Variants in DOCK2 observed in about 807,000 individuals in gnomAD.
DOCK2 encodes dedicator of cytokinesis 2, also known as dedicator of cytokinesis protein 2.
Under a neutral mutation model 248.9 loss-of-function variants are expected in DOCK2, and 87 were observed. The ratio of observed to expected loss-of-function variants is 0.35; its 90% CI spans 0.29 to 0.42. The LOEUF (loss-of-function observed/expected upper bound fraction) is 0.42, where lower values mean the gene tolerates loss of function less well. Among genes scored for constraint, DOCK2 ranks in the 10% least tolerant of loss-of-function variants. The pLI, the probability that DOCK2 is intolerant of heterozygous loss-of-function variation, is 1.00. For missense variants in DOCK2, 1,747 were observed against 2,300.2 expected (o/e 0.76, Z 4.92); for synonymous variants, 805 against 821.6 (o/e 0.98, Z 0.35).
At chr5:169,867,754 G>A (rs575982968) in intron 27 of DOCK2, among the ~76,000 whole-genome samples, 1 of 152,176 alleles carries the variant, frequency 6.6e-6, no homozygotes, top group Admixed American at 6.5e-5. Context: ...CTTCCAGGAG[G>A]CATCACCTGG....
In DOCK2 at chr5:170,050,278, G is replaced by T; in HGVS notation, c.4094G>T (p.Gly1365Val). Residue 1365 changes from glycine (G) to valine (V), a missense_variant, in exon 41 of 52, where the codon GGG becomes GTG. Around this residue, in one of 4 missense-constraint regions of DOCK2, gnomAD observed 858 missense variants for 1,183.5 expected, o/e 0.72. Coordinates refer to ENST00000520908, the MANE Select transcript of DOCK2 (RefSeq NM_004946.3). ...FLRNKVFIYR[G>V]KEYERREDFQ... ...CAGAACAAAGTGTTCATCTACCGCG[G>T]GAAGGAATATGAGCGAAGAGAAGAT... 1 of 1,614,140 alleles carries T rather than the reference G, an allele frequency of 6.2e-7. No individual in the cohort carries two copies. Among genetic ancestry groups the T allele is most frequent in the Non-Finnish European group, 8.5e-7 (1 of 1,179,996 alleles).
intron 43 of DOCK2, 85 bp downstream of exon 43, chr5:170,056,853 G>C (rs1376581150): frequency 8.1e-7 from 1 of 1,234,848 alleles, no homozygotes; most frequent in Non-Finnish European, 1.1e-6. Flanking sequence ...GAATGGGAAG[G>C]AACTTGATAG....
At chr5:169,900,475 G>A (rs976836324) in intron 27 of DOCK2, among the ~76,000 whole-genome samples, 2 of 152,186 alleles carry the variant, frequency 1.3e-5, no homozygotes, top group African/African-American at 4.8e-5. Flanking sequence ...GCTGGCAGGA[G>A]GCATGGCATG....
intron 27 of DOCK2, among the ~76,000 whole-genome samples, chr5:169,903,685 G>A (rs1202036525): frequency 3.3e-5 from 5 of 152,146 alleles, no homozygotes; most frequent in African/African-American, 9.6e-5. Context: ...CTAGAGGGTC[G>A]AACTTACTCG....
chr5:169,698,487 A>G, intron 11 of DOCK2, 38 bp downstream of exon 11: 1 of 1,606,908 alleles, frequency 6.2e-7, no homozygotes, highest in Non-Finnish European at 8.5e-7. Flanking sequence ...CTCTTCAACC[A>G]CACCCTTTGT....
At chr5:169,807,950 A>G (rs1767497360) in intron 26 of DOCK2, among the ~76,000 whole-genome samples, 1 of 151,904 alleles carries the variant, frequency 6.6e-6, no homozygotes, top group South Asian at 2.1e-4. Flanking sequence ...TCTTCATGGG[A>G]TAGAAGGGAC....
intron 27 of DOCK2, among the ~76,000 whole-genome samples, chr5:169,851,356 G>T (rs1770609527): frequency 6.6e-6 from 1 of 152,150 alleles, no homozygotes; most frequent in African/African-American, 2.4e-5. Context: ...GCATAAAAGA[G>T]CATGCTTCAT....
chr5:169,805,214 T>TGCA (rs1581215146), intron 26 of DOCK2, among the ~76,000 whole-genome samples: 2 of 88,262 alleles, frequency 2.3e-5, no homozygotes, highest in Admixed American at 1.4e-4. Context: ...CCTCTGTCTC[T>TGCA]ACAAAAAAAA....
intron 27 of DOCK2, chr5:169,841,574 C>A: frequency 3.8e-6 from 2 of 521,502 alleles, no homozygotes; most frequent in Non-Finnish European, 4.9e-6. Flanking sequence ...CCAAACATTG[C>A]CAGGCCTGAA....
intron 33 of DOCK2, among the ~76,000 whole-genome samples, chr5:170,026,563 G>C (rs1755923646): frequency 6.6e-6 from 1 of 152,100 alleles, no homozygotes; most frequent in Admixed American, 6.5e-5. Context: ...TTTTTTAATG[G>C]TAAAATGAGG....
At chr5:170,058,530 G>A (rs75190009) in intron 44 of DOCK2, among the ~76,000 whole-genome samples, 2,380 of 152,224 alleles carry the variant, frequency 0.016, 56 homozygotes, top group African/African-American at 0.055. Context: ...TTGAGGAGAG[G>A]CCTGGAGGAA....
rs567742860 is a variant in DOCK2, at chr5:169,750,249, G to A, written c.2376+2745G>A. Among the ~76,000 whole-genome samples, 3 of 152,300 alleles carry A rather than the reference G, an allele frequency of 2.0e-5. No individual in the cohort carries two copies. The East Asian group carries it at 5.8e-4, about 29-fold the overall frequency. On this transcript the variant is annotated intron_variant, in intron 23 of 51. Coordinates refer to ENST00000520908, the MANE Select transcript of DOCK2 (RefSeq NM_004946.3). ...TTCAGCACCTGTTTCCCTACGATGG[G>A]CTACACATATATTTGGGGAAGGAAC...
chr5:169,821,286 T>G (rs1329285040), intron 26 of DOCK2, among the ~76,000 whole-genome samples: 1 of 151,928 alleles, frequency 6.6e-6, no homozygotes, highest in Non-Finnish European at 1.5e-5. Flanking sequence ...AAGATACTCC[T>G]CGAGAAGAGC....
At chr5:169,857,014 C>T (rs1770931437) in intron 27 of DOCK2, among the ~76,000 whole-genome samples, 1 of 152,138 alleles carries the variant, frequency 6.6e-6, no homozygotes, top group African/African-American at 2.4e-5. Flanking sequence ...GATAATAAAA[C>T]TCTTATTTGC....
chr5:169,856,015 C>T lies in DOCK2; in HGVS notation c.2799+15163C>T, dbSNP rs527679209. Among the ~76,000 whole-genome samples the T allele has an allele frequency of 3.3e-5, 5 of 152,088 alleles. No individual in the cohort carries two copies. In the South Asian group the frequency reaches 6.2e-4, roughly 19 times the overall value. ...GCAGGAGAGAGAGAGCAGTGAGGAG[C>T]GAAGGGGGAAGAGCCTCTTATAAAA... On this transcript the variant is annotated intron_variant, in intron 27 of 51. Coordinates refer to ENST00000520908, the MANE Select transcript of DOCK2 (RefSeq NM_004946.3).
At chr5:169,637,496 GC>G (rs1756891721) in intron 1 of DOCK2, 127 bp downstream of exon 1, 3 of 1,106,256 alleles carry the variant, frequency 2.7e-6, no homozygotes, top group Non-Finnish European at 3.5e-6. Context: ...AGAGGGCGCA[GC>G]CTGCGGCGGG....
In DOCK2 at chr5:169,938,744, AAATT is replaced by A. The variant is rs1776100688; in HGVS notation, c.2800-44321_2800-44318del. 3.3e-5 allele frequency among the ~76,000 whole-genome samples: 5 copies of A among 152,204 alleles called. No homozygotes were observed. The South Asian group carries it at 8.3e-4, about 25-fold the overall frequency. On this transcript the variant is annotated intron_variant, in intron 27 of 51. Coordinates refer to ENST00000520908, the MANE Select transcript of DOCK2 (RefSeq NM_004946.3). ...AAAATATTTTTTCTTCATCAGTAGA[AAATT>A]AACCATAGCAGAGTGTAACTTTACA...
intron 27 of DOCK2, among the ~76,000 whole-genome samples, chr5:169,905,317 C>A (rs1470502003): frequency 6.7e-6 from 1 of 149,088 alleles, no homozygotes; most frequent in Non-Finnish European, 1.5e-5. Context: ...TCAGGAGAAG[C>A]CAGAACTCTG....
chr5:169,936,309 A>G (rs1775992308), intron 27 of DOCK2, among the ~76,000 whole-genome samples: 1 of 152,188 alleles, frequency 6.6e-6, no homozygotes, highest in African/African-American at 2.4e-5. Flanking sequence ...GGCTGCAGCA[A>G]GGGCAGTGGG....
Sources: gnomAD v4.1 joint callset for allele counts (sites outside exome capture counted in the v4.1 genomes callset) on GRCh38, gnomAD v4.1.1 for gene constraint, gnomAD v4.1.1 regional missense constraint, MANE v1.5 for transcripts, NCBI Gene and HGNC (gene_info 2026-07-23, HGNC 2026-07-21) for gene names.